LINGO2: variants seen among roughly 807,000 people sequenced by gnomAD.
LINGO2 encodes leucine-rich repeat and immunoglobulin-like domain-containing nogo receptor-interacting protein 2.
A neutral mutation model predicts 30.6 loss-of-function variants in LINGO2; 14 were observed. The ratio of observed to expected loss-of-function variants is 0.46; its 90% CI spans 0.30 to 0.72. The LOEUF is 0.72. LINGO2 is among the 30% of genes least tolerant of loss of function. LINGO2 has a pLI of 0.07. For missense variants in LINGO2, 729 were observed against 751.7 expected (o/e 0.97, Z 0.35); for synonymous variants, 317 against 288.5 (o/e 1.10, Z -1.00).
chr9:29,196,824 G>T, the LINGO2 span, among the ~76,000 whole-genome samples: 1 of 151,974 alleles, frequency 6.6e-6, no homozygotes, highest in African/African-American at 2.4e-5. Flanking sequence ...AGAAAACTTT[G>T]AAAAAGATGT....
chr9:28,753,006 T>C, the LINGO2 span, among the ~76,000 whole-genome samples: 1 of 152,076 alleles, frequency 6.6e-6, no homozygotes, highest in Non-Finnish European at 1.5e-5. Context: ...CCAGGCCACA[T>C]AGCACTTCAG....
the LINGO2 span, among the ~76,000 whole-genome samples, chr9:28,934,518 T>A: frequency 6.6e-6 from 1 of 152,146 alleles, no homozygotes; most frequent in East Asian, 1.9e-4. Context: ...TCATGCTGAG[T>A]ATGATAAAAA....
intron 3 of LINGO2, among the ~76,000 whole-genome samples, chr9:28,354,765 T>C (rs916613008): frequency 6.6e-6 from 1 of 152,204 alleles, no homozygotes; most frequent in African/African-American, 2.4e-5. Flanking sequence ...GTATATAAGT[T>C]CATACAGAAA....
chr9:29,203,745 T>C, the LINGO2 span, among the ~76,000 whole-genome samples: 1 of 152,196 alleles, frequency 6.6e-6, no homozygotes, highest in Non-Finnish European at 1.5e-5. Context: ...TCTTGCCTAT[T>C]ATCCACACAG....
chr9:28,717,107 C>T, the LINGO2 span, among the ~76,000 whole-genome samples: 2 of 151,890 alleles, frequency 1.3e-5, no homozygotes, highest in Admixed American at 1.3e-4. Context: ...TAGGTGAAGG[C>T]TCTGTCAAGT....
At chr9:28,354,720 A>AT (rs1181375823) in intron 3 of LINGO2, among the ~76,000 whole-genome samples, 1 of 152,142 alleles carries the variant, frequency 6.6e-6, no homozygotes, top group Non-Finnish European at 1.5e-5. Flanking sequence ...ATTTTAAAAC[A>AT]TTTTTATAGC....
the LINGO2 span, among the ~76,000 whole-genome samples, chr9:28,697,001 T>G: frequency 6.6e-6 from 1 of 151,960 alleles, no homozygotes; most frequent in South Asian, 2.1e-4. Context: ...TATCTATTTT[T>G]CAAGGGAATC....
At chr9:29,018,674 T>C in the LINGO2 span, among the ~76,000 whole-genome samples, 1 of 152,140 alleles carries the variant, frequency 6.6e-6, no homozygotes, top group Non-Finnish European at 1.5e-5. Flanking sequence ...GCTGGAATTA[T>C]GAATGAAGGC....
At chr9:29,154,428 C>T in the LINGO2 span, among the ~76,000 whole-genome samples, 4 of 131,100 alleles carry the variant, frequency 3.1e-5, no homozygotes, top group African/African-American at 5.7e-5. Flanking sequence ...CCAGCCTGGG[C>T]GACAGAGTGC....
intron 4 of LINGO2, among the ~76,000 whole-genome samples, chr9:28,216,778 A>G (rs1820782360): frequency 6.6e-6 from 1 of 151,944 alleles, no homozygotes; most frequent in African/African-American, 2.4e-5. Flanking sequence ...TATTGAAGTC[A>G]CTACATTTTA....
chr9:28,615,280 T>C (rs1826089690), intron 1 of LINGO2, among the ~76,000 whole-genome samples: 1 of 152,144 alleles, frequency 6.6e-6, no homozygotes, highest in Non-Finnish European at 1.5e-5. Flanking sequence ...ATTCACTTAA[T>C]ATGTTCAAGG....
the LINGO2 span, among the ~76,000 whole-genome samples, chr9:29,080,545 A>G: frequency 1.3e-5 from 2 of 151,932 alleles, no homozygotes; most frequent in Admixed American, 6.6e-5. Context: ...TAGCGTGTCA[A>G]TTTTAGATCT....
At chr9:28,746,047 T>C in the LINGO2 span, among the ~76,000 whole-genome samples, 1 of 152,034 alleles carries the variant, frequency 6.6e-6, no homozygotes, top group Non-Finnish European at 1.5e-5. Flanking sequence ...TGACAAATTA[T>C]TAATAGTAAG....
At chr9:29,187,874 T>A in the LINGO2 span, among the ~76,000 whole-genome samples, 1 of 145,268 alleles carries the variant, frequency 6.9e-6, no homozygotes, top group Non-Finnish European at 1.5e-5. Context: ...CATGACACCA[T>A]CACTTTACCA....
chr9:28,150,948 A>C (rs1827982302), intron 4 of LINGO2, among the ~76,000 whole-genome samples: 1 of 152,226 alleles, frequency 6.6e-6, no homozygotes, highest in Non-Finnish European at 1.5e-5. Context: ...CTTAATTTCA[A>C]AGTTAAATTC....
the LINGO2 span, among the ~76,000 whole-genome samples, chr9:28,677,965 G>C: frequency 4.1e-4 from 62 of 151,396 alleles, 1 homozygote; most frequent in African/African-American, 1.5e-3. Flanking sequence ...CATTATTACT[G>C]CCACCCCCAC....
chr9:29,193,240 A>T, the LINGO2 span, among the ~76,000 whole-genome samples: 1 of 152,100 alleles, frequency 6.6e-6, no homozygotes, highest in Non-Finnish European at 1.5e-5. Flanking sequence ...CTGACCTGAA[A>T]CTGCCTATGA....
intron 4 of LINGO2, among the ~76,000 whole-genome samples, chr9:28,168,672 A>G (rs375392978): frequency 4.1e-4 from 62 of 152,384 alleles, no homozygotes; most frequent in African/African-American, 1.3e-3. Context: ...CATATGACGC[A>G]TATTGCTCTA....
chr9:28,708,407 C>T, the LINGO2 span, among the ~76,000 whole-genome samples: 2 of 152,084 alleles, frequency 1.3e-5, no homozygotes, highest in Non-Finnish European at 2.9e-5. Flanking sequence ...TTGCAGATGC[C>T]TCATCACTGT....
Sources: allele counts gnomAD v4.1 joint callset (sites outside exome capture counted in the v4.1 genomes callset), GRCh38; gene constraint gnomAD v4.1.1; transcripts MANE v1.5; gene names NCBI Gene and HGNC (gene_info 2026-07-23, HGNC 2026-07-21).